PPFIBP1: variants seen among roughly 807,000 people sequenced by gnomAD.
PPFIBP1 encodes PPFIB scaffold protein 1.
Under a neutral mutation model 137.8 loss-of-function variants are expected in PPFIBP1, and 112 were observed. That is an observed-to-expected ratio of 0.81 (90% CI 0.70 to 0.95). The LOEUF (loss-of-function observed/expected upper bound fraction) is 0.95. PPFIBP1 is among the 40% of genes least tolerant of loss of function. PPFIBP1 has a pLI of 0.00. For synonymous variants in PPFIBP1, 378 were observed against 417.3 expected, an observed-to-expected ratio of 0.91 and a Z score of 1.15; for missense variants, 1,083 against 1,196.6, an observed-to-expected ratio of 0.91 and a Z score of 1.40.
chr12:27,601,015 AC>A (rs1297791690), intron 2 of PPFIBP1, among the ~76,000 whole-genome samples: 2 of 152,164 alleles, frequency 1.3e-5, no homozygotes, highest in African/African-American at 4.8e-5. Flanking sequence ...AGTATACAGT[AC>A]ATTATTATTA....
chr12:27,599,582 C>T, intron 2 of PPFIBP1: 1 of 447,222 alleles, frequency 2.2e-6, no homozygotes, highest in Non-Finnish European at 4.5e-6. Flanking sequence ...TCCTTTCATC[C>T]ATTCATTTCC....
intron 1 of PPFIBP1, among the ~76,000 whole-genome samples, chr12:27,557,481 C>T (rs766878625): frequency 1.8e-4 from 27 of 152,202 alleles, no homozygotes; most frequent in Admixed American, 4.6e-4. Context: ...GTGATCCACC[C>T]GCCTTGGCAC....
chr12:27,580,492 T>C (rs1414804349), intron 2 of PPFIBP1, among the ~76,000 whole-genome samples: 1 of 152,178 alleles, frequency 6.6e-6, no homozygotes, highest in Non-Finnish European at 1.5e-5. Context: ...GCTGTAACAA[T>C]TGACTACAAT....
At position 27,692,852 on chromosome 12, in the gene PPFIBP1, C is replaced by T. The variant is rs767310609; in HGVS notation, c.2988C>T (p.Ala996=). ...ATTTTGCTGCCCGTTCCCCCAGTGC[C>T]AGCATTACAGATGAAGACTCAAACG... ...FKDFAARSPS[A]SITDEDSNV Residue 996 remains alanine, a synonymous_variant, in exon 30 of 30, where the codon GCC becomes GCT. Coordinates refer to ENST00000228425, the MANE Select transcript of PPFIBP1 (RefSeq NM_003622.4). The T allele has an allele frequency of 6.2e-7, 1 of 1,614,098 alleles. No homozygotes were observed. The highest frequency in any genetic ancestry group is 1.1e-5 in the South Asian group (1 of 91,072).
chr12:27,536,951 A>T (rs1192719010), intron 1 of PPFIBP1, among the ~76,000 whole-genome samples: 1 of 152,098 alleles, frequency 6.6e-6, no homozygotes, highest in East Asian at 1.9e-4. Context: ...GCAATGTAAC[A>T]GGTTTGTGGG....
At chr12:27,649,963 T>C (rs1468319233) in intron 6 of PPFIBP1, 47 bp from the exon 7 acceptor site, 4 of 1,545,054 alleles carry the variant, frequency 2.6e-6, no homozygotes, top group Non-Finnish European at 3.5e-6. Flanking sequence ...TTCACGTGCC[T>C]GTTTATAATA....
intron 2 of PPFIBP1, among the ~76,000 whole-genome samples, chr12:27,632,500 C>A (rs1042357801): frequency 6.6e-6 from 1 of 152,266 alleles, no homozygotes; most frequent in African/African-American, 2.4e-5. Flanking sequence ...AAAGTTTTTG[C>A]AAGCATTATC....
intron 2 of PPFIBP1, chr12:27,593,516 T>C (rs1165844681): frequency 1.2e-5 from 5 of 410,040 alleles, no homozygotes; most frequent in Non-Finnish European, 2.4e-5. Context: ...TCTTGATGAC[T>C]GACCTGAACC....
At chr12:27,566,466 T>G (rs1274791858) in intron 1 of PPFIBP1, among the ~76,000 whole-genome samples, 2 of 152,154 alleles carry the variant, frequency 1.3e-5, no homozygotes, top group Non-Finnish European at 2.9e-5. Context: ...TGGTAAAAAC[T>G]CAAGTGAATC....
intron 19 of PPFIBP1, chr12:27,677,631 A>C (rs2060606735): frequency 6.5e-6 from 1 of 152,938 alleles, no homozygotes; most frequent in Non-Finnish European, 1.5e-5. Flanking sequence ...TGACAGAAGC[A>C]ACTTTACTTG....
intron 20 of PPFIBP1, 69 bp downstream of exon 20, chr12:27,679,708 G>T (rs1226990544): frequency 6.5e-7 from 1 of 1,537,196 alleles, no homozygotes; most frequent in Non-Finnish European, 8.9e-7. Flanking sequence ...CTGGACATGG[G>T]TATGGACTTT....
intron 2 of PPFIBP1, among the ~76,000 whole-genome samples, chr12:27,631,243 A>G (rs1314479900): frequency 6.6e-6 from 1 of 152,022 alleles, no homozygotes; most frequent in East Asian, 1.9e-4. Flanking sequence ...CATGCCTCCT[A>G]TTTTTTCATT....
intron 2 of PPFIBP1, among the ~76,000 whole-genome samples, chr12:27,627,823 C>G (rs113817561): frequency 1.8e-5 from 2 of 110,796 alleles, no homozygotes; most frequent in African/African-American, 3.5e-5. Flanking sequence ...ACCCACCCCC[C>G]GCCCCGGTTT....
chr12:27,647,198 A>G (rs911886554), intron 5 of PPFIBP1, among the ~76,000 whole-genome samples: 1 of 151,916 alleles, frequency 6.6e-6, no homozygotes, highest in Non-Finnish European at 1.5e-5. Context: ...ATGGGGTTTC[A>G]CCGTGTTGGC....
In PPFIBP1 at chr12:27,682,508, T is replaced by A. The variant is rs2060933947; in HGVS notation, c.2158+10T>A. The A allele has an allele frequency of 6.2e-7, 1 of 1,608,540 alleles. No homozygotes were observed. Among genetic ancestry groups the A allele is most frequent in the Admixed American group, 1.7e-5 (1 of 59,646 alleles). Reference sequence around the variant, plus strand: ...TTCAACTGGGTCACTAGTAAGAAGTTTTTATTCTAACAAAATGAAATAATT... The same window carrying A: ...TTCAACTGGGTCACTAGTAAGAAGTATTTATTCTAACAAAATGAAATAATT... On this transcript the variant is annotated intron_variant, in intron 23 of 29. Coordinates refer to ENST00000228425, the MANE Select transcript of PPFIBP1 (RefSeq NM_003622.4).
At chr12:27,546,621 T>C (rs1457105737) in intron 1 of PPFIBP1, among the ~76,000 whole-genome samples, 1 of 152,196 alleles carries the variant, frequency 6.6e-6, no homozygotes, top group Non-Finnish European at 1.5e-5. Flanking sequence ...GATTCCTGCA[T>C]TGGCCTGTCT....
intron 15 of PPFIBP1, 53 bp from the exon 16 acceptor site, chr12:27,673,714 A>G: frequency 6.8e-7 from 1 of 1,471,406 alleles, no homozygotes; most frequent in Non-Finnish European, 9.4e-7. Context: ...TTTTACTTAG[A>G]AACAGTGGCA....
At chr12:27,678,717 G>T (rs190876839) in intron 19 of PPFIBP1, among the ~76,000 whole-genome samples, 14 of 152,012 alleles carry the variant, frequency 9.2e-5, no homozygotes, top group African/African-American at 3.1e-4. Flanking sequence ...AATTAGCCAG[G>T]TGTGGTGGCG....
intron 27 of PPFIBP1, among the ~76,000 whole-genome samples, 198 bp downstream of exon 27, chr12:27,689,401 T>C (rs1218988760): frequency 2.6e-5 from 4 of 151,710 alleles, no homozygotes; most frequent in African/African-American, 9.7e-5. Flanking sequence ...GAGAGCTTTA[T>C]TGAAGGGAAA....
Sources: gnomAD v4.1 joint callset for allele counts (sites outside exome capture counted in the v4.1 genomes callset) on GRCh38, gnomAD v4.1.1 for gene constraint, MANE v1.5 for transcripts, NCBI Gene and HGNC (gene_info 2026-07-23, HGNC 2026-07-21) for gene names.